PDE4D: variants seen among roughly 807,000 people sequenced by gnomAD.
PDE4D encodes the protein 3',5'-cyclic-AMP phosphodiesterase 4D.
A neutral mutation model predicts 87.4 loss-of-function variants in PDE4D; 24 were observed. That is an observed-to-expected ratio of 0.27 (90% confidence interval 0.20 to 0.39). The LOEUF is 0.39. PDE4D is among the 10% of genes least tolerant of loss of function. PDE4D has a pLI of 1.00. For synonymous variants in PDE4D, 384 were observed against 383.2 expected (o/e 1.00, Z -0.02); for missense variants, 714 against 1,041.0 (o/e 0.69, Z 4.32).
At chr5:59,778,557 A>G (rs1433926237) in intron 1 of PDE4D, among the ~76,000 whole-genome samples, 1 of 139,556 alleles carries the variant, frequency 7.2e-6, no homozygotes, top group Admixed American at 7.1e-5. Context: ...TAAACATTGC[A>G]TAAGCCAACT....
intron 1 of PDE4D, among the ~76,000 whole-genome samples, chr5:59,532,689 T>G (rs1381047659): frequency 6.6e-6 from 1 of 152,244 alleles, no homozygotes; most frequent in Non-Finnish European, 1.5e-5. Flanking sequence ...TCAGCCATTT[T>G]GGTCACAGTT....
intron 2 of PDE4D, among the ~76,000 whole-genome samples, chr5:60,044,387 A>C (rs1768929339): frequency 6.6e-6 from 1 of 151,696 alleles, no homozygotes; most frequent in South Asian, 2.1e-4. Flanking sequence ...ATTATACTTT[A>C]AGTTTTAGGG....
intron 5 of PDE4D, among the ~76,000 whole-genome samples, chr5:59,174,757 T>C (rs1783561101): frequency 6.6e-6 from 1 of 152,198 alleles, no homozygotes; most frequent in South Asian, 2.1e-4. Flanking sequence ...TGGTTTATTT[T>C]ACTTTATAAA....
chr5:60,413,848 C>G (rs1742254564), intron 1 of PDE4D, among the ~76,000 whole-genome samples: 1 of 152,008 alleles, frequency 6.6e-6, no homozygotes, highest in Non-Finnish European at 1.5e-5. Flanking sequence ...CTATTTCCAT[C>G]CAACCAGTTA....
At chr5:60,306,805 C>T (rs951063707) in intron 1 of PDE4D, among the ~76,000 whole-genome samples, 1 of 151,812 alleles carries the variant, frequency 6.6e-6, no homozygotes, top group South Asian at 2.1e-4. Context: ...GAAACCGGAA[C>T]ATAGGAAAAC....
chr5:59,501,436 A>G (rs1240630031), intron 1 of PDE4D, among the ~76,000 whole-genome samples: 1 of 152,200 alleles, frequency 6.6e-6, no homozygotes, highest in East Asian at 1.9e-4. Flanking sequence ...AAACAAAGAC[A>G]TGCACAAATA....
At chr5:60,085,054 C>G (rs369910386) in intron 2 of PDE4D, among the ~76,000 whole-genome samples, 38 of 152,246 alleles carry the variant, frequency 2.5e-4, no homozygotes, top group African/African-American at 9.2e-4. Flanking sequence ...TAATAATCTA[C>G]TTTGAAAAAG....
chr5:60,368,156 G>A (rs906125814), intron 1 of PDE4D, among the ~76,000 whole-genome samples: 1 of 152,110 alleles, frequency 6.6e-6, no homozygotes, highest in Non-Finnish European at 1.5e-5. Flanking sequence ...AAATAACAAC[G>A]ATAAGTTTTC....
At position 59,140,889 on chromosome 5, in the gene PDE4D, A is replaced by T. The variant is rs139055575; in HGVS notation, c.808+39706T>A. On this transcript the variant is annotated intron_variant, in intron 5 of 14. Coordinates refer to ENST00000340635, the MANE Select transcript of PDE4D (RefSeq NM_001104631.2). The stretch of plus-strand genomic sequence containing the variant: ...GGAGACAATCCTTTGAAGGTTGCAA[A>T]GGACTGGCTAGAGTCAGGAATCATC... Among the ~76,000 whole-genome samples, 574 of 152,340 alleles carry T rather than the reference A, an allele frequency of 3.8e-3. 2 individuals carry two copies. The highest frequency in any genetic ancestry group is 0.013 in the African/African-American group (553 of 41,576).
At chr5:60,146,721 C>T (rs917882001) in intron 2 of PDE4D, among the ~76,000 whole-genome samples, 4 of 152,002 alleles carry the variant, frequency 2.6e-5, no homozygotes, top group African/African-American at 9.7e-5. Flanking sequence ...TATTTGCATC[C>T]GATATGAATA....
intron 1 of PDE4D, among the ~76,000 whole-genome samples, chr5:60,319,364 G>A (rs187307608): frequency 3.3e-5 from 5 of 152,236 alleles, no homozygotes; most frequent in Non-Finnish European, 5.9e-5. Flanking sequence ...CTCTGCATTG[G>A]TTATTCTAGT....
intron 1 of PDE4D, among the ~76,000 whole-genome samples, chr5:59,246,745 T>A (rs1561802932): frequency 6.6e-6 from 1 of 152,178 alleles, no homozygotes; most frequent in African/African-American, 2.4e-5. Flanking sequence ...AACATACTAC[T>A]GAAAAGTAAA....
At chr5:60,370,702 A>T (rs1289328533) in intron 1 of PDE4D, among the ~76,000 whole-genome samples, 1 of 152,130 alleles carries the variant, frequency 6.6e-6, no homozygotes, top group Non-Finnish European at 1.5e-5. Flanking sequence ...TAACCAAGAT[A>T]CCCAGATAGT....
intron 5 of PDE4D, among the ~76,000 whole-genome samples, chr5:59,174,865 A>T (rs1461606785): frequency 6.6e-6 from 1 of 152,132 alleles, no homozygotes. Context: ...CAGTTTTTTC[A>T]TCTTTAAAAT....
chr5:59,794,264 T>C (rs1766198324), intron 1 of PDE4D, among the ~76,000 whole-genome samples: 1 of 152,174 alleles, frequency 6.6e-6, no homozygotes, highest in Non-Finnish European at 1.5e-5. Context: ...TTTTTTATCT[T>C]TCCTTTGAAG....
intron 5 of PDE4D, chr5:59,157,029 G>A (rs907818761): frequency 1.5e-4 from 37 of 249,762 alleles, no homozygotes; most frequent in African/African-American, 4.4e-4. Context: ...AAAAAAAAAG[G>A]CAAAATAAAG....
intron 1 of PDE4D, among the ~76,000 whole-genome samples, chr5:59,401,883 G>T (rs1478069194): frequency 1.3e-5 from 2 of 152,220 alleles, no homozygotes; most frequent in Non-Finnish European, 2.9e-5. Flanking sequence ...GCAGTCCTAA[G>T]CTGAATGAAT....
intron 1 of PDE4D, among the ~76,000 whole-genome samples, chr5:60,331,596 C>G (rs1757312832): frequency 6.6e-6 from 1 of 152,160 alleles, no homozygotes; most frequent in South Asian, 2.1e-4. Flanking sequence ...GCAGGAAATT[C>G]TAGAGTCCAG....
chr5:59,071,503 T>C (rs1764778575), intron 5 of PDE4D, among the ~76,000 whole-genome samples: 1 of 151,040 alleles, frequency 6.6e-6, no homozygotes, highest in Admixed American at 6.6e-5. Flanking sequence ...TATTCTATCA[T>C]GTTTTTACTT....
Sources: gnomAD v4.1 joint callset for allele counts (sites outside exome capture counted in the v4.1 genomes callset) on GRCh38, gnomAD v4.1.1 for gene constraint, MANE v1.5 for transcripts, NCBI Gene and HGNC (gene_info 2026-07-23, HGNC 2026-07-21) for gene names.